COL4A3: variants seen among roughly 807,000 people sequenced by gnomAD.
The protein encoded by COL4A3 is collagen type IV alpha 3 chain.
In COL4A3, 135 loss-of-function variants were observed where a neutral mutation model predicts 217.4. The observed-to-expected ratio is 0.62, with a 90% confidence interval of 0.54 to 0.72. The LOEUF (loss-of-function observed/expected upper bound fraction) is 0.72. Ranked by LOEUF, COL4A3 falls within the 30% of genes least tolerant of loss-of-function variation. The pLI is 0.00. For missense variants in COL4A3, 1,868 were observed against 2,119.9 expected (o/e 0.88, Z 2.33); for synonymous variants, 690 against 736.3 (o/e 0.94, Z 1.02).
Position 227,197,291 on chromosome 2 carries a change from G to A in COL4A3, c.87+32478G>A, listed in dbSNP as rs148245608. On this transcript the variant is annotated intron_variant, in intron 1 of 51. Coordinates refer to ENST00000396578, the MANE Select transcript of COL4A3 (RefSeq NM_000091.5). ...GAGTGCCGTGGCACAATCTCAGCTC[G>A]CTGCAACCTCCACCTCCCTGGGTTT... is the stretch of plus-strand genomic sequence containing the variant. 5.4e-3 allele frequency among the ~76,000 whole-genome samples: 827 copies of A among 151,978 alleles called. 8 individuals are homozygous for A. Among genetic ancestry groups the A allele is most frequent in the African/African-American group, 0.019 (792 of 41,428 alleles).
intron 5 of COL4A3, among the ~76,000 whole-genome samples, chr2:227,245,359 A>ACAATT (rs1391074513): frequency 2.6e-5 from 4 of 152,200 alleles, no homozygotes; most frequent in Admixed American, 2.0e-4. Context: ...CACTATAACA[A>ACAATT]CTATTTACAT....
At position 227,312,067 on chromosome 2, in the gene COL4A3, C is replaced by A; in HGVS notation, c.*197C>A. 2.1e-6 allele frequency: 2 copies of A among 973,732 alleles called. No individual in the cohort carries two copies. Among genetic ancestry groups the A allele is most frequent in the Non-Finnish European group, 3.0e-6 (2 of 671,402 alleles). 60.3% of individuals were successfully genotyped at this position (973,732 alleles called of 1,614,324 possible). On this transcript the variant is annotated 3_prime_UTR_variant, in exon 52 of 52. Transcript: ENST00000396578. ...CTGTGATCTGGGTCTCTAATCTGTG[C>A]TGTTTCAAAGTTCTCTGTGGCAAAG...
At chr2:227,294,265 G>C in intron 38 of COL4A3, 1 of 552,364 alleles carries the variant, frequency 1.8e-6, no homozygotes, top group Non-Finnish European at 3.2e-6. Context: ...AGTGGTGCTT[G>C]TGGTTGGTGT....
chr2:227,233,537 C>T (rs1196933950), intron 1 of COL4A3, among the ~76,000 whole-genome samples: 2 of 152,090 alleles, frequency 1.3e-5, no homozygotes, highest in Admixed American at 1.3e-4. Flanking sequence ...GTTTTTGACT[C>T]TTCAACTTTT....
intron 1 of COL4A3, among the ~76,000 whole-genome samples, chr2:227,222,950 C>G (rs1447942999): frequency 6.6e-6 from 1 of 152,244 alleles, no homozygotes; most frequent in Non-Finnish European, 1.5e-5. Context: ...TACTTTTAAT[C>G]AACCAAGTGA....
chr2:227,260,974 A>G, intron 19 of COL4A3, 108 bp from the exon 20 acceptor site: 1 of 904,466 alleles, frequency 1.1e-6, no homozygotes, highest in South Asian at 1.4e-5. Context: ...AAAAAGTATG[A>G]AAACTCTGTA....
intron 1 of COL4A3, among the ~76,000 whole-genome samples, chr2:227,197,533 T>TA (rs959171498): frequency 6.3e-4 from 96 of 151,806 alleles, no homozygotes; most frequent in African/African-American, 1.9e-3. Flanking sequence ...ACTGTATACT[T>TA]AAAAAAAAAT....
intron 37 of COL4A3, among the ~76,000 whole-genome samples, chr2:227,291,562 CAA>C (rs869289707): frequency 1.5e-4 from 5 of 34,416 alleles, no homozygotes; most frequent in Non-Finnish European, 2.3e-4. Context: ...GACTCCGTCT[CAA>C]AAAAAAAAAA....
At chr2:227,288,996 G>A (rs2072513915) in intron 34 of COL4A3, among the ~76,000 whole-genome samples, 154 bp from the exon 35 acceptor site, 1 of 138,096 alleles carries the variant, frequency 7.2e-6, no homozygotes, top group Non-Finnish European at 1.5e-5. Flanking sequence ...TGTCGCCCAC[G>A]CTGGAGTGCA....
intron 1 of COL4A3, among the ~76,000 whole-genome samples, chr2:227,188,225 T>TAA (rs200780338): frequency 4.7e-5 from 7 of 148,412 alleles, no homozygotes; most frequent in East Asian, 1.9e-4. Flanking sequence ...AAGGACTTTG[T>TAA]AAAAAAAAAA....
At chr2:227,254,763 T>A (rs1227823026) in intron 15 of COL4A3, 48 bp downstream of exon 15, 1 of 1,329,644 alleles carries the variant, frequency 7.5e-7, no homozygotes, top group African/African-American at 1.4e-5. Flanking sequence ...TAGTCAGGAC[T>A]TGGGACTCTT....
chr2:227,180,723 A>C (rs893026516), intron 1 of COL4A3, among the ~76,000 whole-genome samples: 1 of 152,230 alleles, frequency 6.6e-6, no homozygotes, highest in African/African-American at 2.4e-5. Context: ...CTCCTGAAAC[A>C]ATACAATCGC....
rs775865576 is a variant in COL4A3 at position 227,280,935 on chromosome 2, C to A, written c.2417C>A (p.Pro806Gln). The A allele has an allele frequency of 6.4e-7, 1 of 1,566,170 alleles. No individual in the cohort carries two copies. Among genetic ancestry groups the A allele is most frequent in the Non-Finnish European group, 8.7e-7 (1 of 1,154,758 alleles). Residue 806 changes from proline (P) to glutamine (Q), a missense_variant, in exon 31 of 52, where the codon CCA (proline) becomes CAA (glutamine). Around this residue, in one of 2 missense-constraint regions of COL4A3, gnomAD observed 1,503 missense variants for 1,786.1 expected, o/e 0.84. Transcript: ENST00000396578. Reference protein sequence around the residue: ...QPGPPGEQGPPGRCIEGPRGA... With the variant: ...QPGPPGEQGPQGRCIEGPRGA... ...GGACCACCTGGAGAACAAGGACCCC[C>A]AGGAAGGTGCATAGAGGGTCCCAGG...
chr2:227,195,910 C>A (rs1263275274), intron 1 of COL4A3, among the ~76,000 whole-genome samples: 4 of 150,266 alleles, frequency 2.7e-5, no homozygotes, highest in South Asian at 2.1e-4. Flanking sequence ...GTATTCTTAA[C>A]AAAAAAAGCT....
intron 34 of COL4A3, among the ~76,000 whole-genome samples, chr2:227,287,962 A>G (rs997860264): frequency 6.6e-5 from 10 of 152,258 alleles, no homozygotes; most frequent in African/African-American, 2.4e-4. Context: ...ATAAGTACAT[A>G]TGCAGGAAAA....
At position 227,164,925 on chromosome 2, in the gene COL4A3, T is replaced by C. The variant is rs2065167551; in HGVS notation, c.87+112T>C. ...CGCGGTAGTGGAGCGGCTGCCGGGC[T>C]AGTGGCGAGGCTGAGGGCTTCACGC... On this transcript the variant is annotated intron_variant, in intron 1 of 51. Coordinates refer to ENST00000396578, the MANE Select transcript of COL4A3 (RefSeq NM_000091.5). This position sits in a 1 kb window ranked among gnomAD's most constrained non-coding sequence, Gnocchi z 4.8. 2 of 1,274,454 alleles carry C rather than the reference T, an allele frequency of 1.6e-6. No homozygotes were observed. The highest frequency in any genetic ancestry group is 2.1e-6 in the Non-Finnish European group (2 of 974,998). The allele number at this position is 1,274,454 out of a possible 1,614,324, so 78.9% of individuals were successfully genotyped here.
At position 227,307,933 on chromosome 2, in the gene COL4A3, C is replaced by T; in HGVS notation, c.4462+14C>T. 6.2e-7 allele frequency: 1 copy of T among 1,610,420 alleles called. No homozygotes were observed. The highest frequency in any genetic ancestry group is 8.5e-7 in the Non-Finnish European group (1 of 1,176,974). On this transcript the variant is annotated intron_variant, in intron 48 of 51. Transcript: ENST00000396578. ...GACAAGACCTTGGTAATGTCCCAGT[C>T]CCAGTTGCCAGTTGTGCTGTTCCAC... is the stretch of plus-strand genomic sequence containing the variant.
intron 1 of COL4A3, among the ~76,000 whole-genome samples, chr2:227,188,452 G>A (rs1266423928): frequency 4.7e-5 from 7 of 149,668 alleles, no homozygotes; most frequent in Non-Finnish European, 1.0e-4. Flanking sequence ...CATAACCCAG[G>A]CCACCGAGAG....
intron 1 of COL4A3, among the ~76,000 whole-genome samples, chr2:227,172,989 AC>A (rs2065546108): frequency 6.6e-6 from 1 of 151,960 alleles, no homozygotes; most frequent in Non-Finnish European, 1.5e-5. Flanking sequence ...AAAGACCATT[AC>A]CCTATGCTTA....
Sources: allele counts gnomAD v4.1 joint callset (sites outside exome capture counted in the v4.1 genomes callset), GRCh38; gene constraint gnomAD v4.1.1; regional missense constraint gnomAD v4.1.1; non-coding constraint Gnocchi (gnomAD v3.1); transcripts MANE v1.5; gene names NCBI Gene and HGNC (gene_info 2026-07-23, HGNC 2026-07-21).